The following SPATA9 variants were observed in gnomAD, a reference collection of about 807,000 sequenced individuals.
The protein encoded by SPATA9 is spermatogenesis-associated protein 9.
Under a neutral mutation model 25.5 loss-of-function variants are expected in SPATA9, and 27 were observed. The observed-to-expected ratio is 1.06, with a 90% CI of 0.78 to 1.46. The LOEUF (loss-of-function observed/expected upper bound fraction) is 1.46, where lower values mean the gene tolerates loss of function less well. SPATA9 is among the 40% of genes most tolerant of loss of function. SPATA9 has a pLI of 0.00. For synonymous variants in SPATA9, 102 were observed against 105.7 expected (o/e 0.97, Z 0.21); for missense variants, 282 against 297.5 (o/e 0.95, Z 0.38).
chr5:95,684,801 A>G (rs1391307119), upstream of SPATA9: 1 of 152,192 alleles, frequency 6.6e-6, no homozygotes, highest in African/African-American at 2.4e-5. Flanking sequence ...TTTCTTGTTA[A>G]TTCTTCATTA....
chr5:95,652,905 G>A (rs567698878), downstream of SPATA9: 5 of 590,914 alleles, frequency 8.5e-6, no homozygotes, highest in African/African-American at 1.9e-5. Flanking sequence ...CCACAGAGCC[G>A]GGAGCATTCT....
chr5:95,694,743 A>G (rs960256239), intron 1 of SPATA9, among the ~76,000 whole-genome samples: 3 of 152,252 alleles, frequency 2.0e-5, no homozygotes, highest in Admixed American at 1.3e-4. Flanking sequence ...TGCCACTTCA[A>G]AATATGCCAC....
Position 95,653,105 on chromosome 5 carries a change from CTCT to C in SPATA9, c.*549_*551del, listed in dbSNP as rs746190059. ...TCTTTCCTTCAGGCTTTTGTATTTG[CTCT>C]TCTTTCAGTATGGAATTCTCTTCCC... On this transcript the variant is annotated 3_prime_UTR_variant and NMD_transcript_variant, in exon 9 of 9. Transcript: ENST00000316087. 168 of 1,551,272 alleles carry C rather than the reference CTCT, an allele frequency of 1.1e-4. 1 individual carries two copies. In the African/African-American group the frequency reaches 1.9e-3, roughly 18 times the overall value.
At chr5:95,661,796 A>G (rs920032346) in intron 4 of SPATA9, among the ~76,000 whole-genome samples, 1 of 152,086 alleles carries the variant, frequency 6.6e-6, no homozygotes, top group Non-Finnish European at 1.5e-5. Context: ...ACTTCCCTAT[A>G]TATTTTAGAA....
Position 95,658,742 on chromosome 5 carries a change from A to G in SPATA9, c.646T>C (p.Leu216=), listed in dbSNP as rs143520808. 3.7e-5 allele frequency: 60 copies of G among 1,613,814 alleles called. No homozygotes were observed. Among genetic ancestry groups the G allele is most frequent in the South Asian group, 8.8e-5 (8 of 91,084 alleles). ...TCTGAAATGTCTGGCTTCTCCGGCA[A>G]TGACCTATAAGGTTTTGCTTTGATT... ...GEIKAKPYRS[L]PEKPDISDYP... Residue 216 remains leucine (L), a synonymous_variant, in exon 5 of 5, where the codon TTG becomes CTG. Transcript: ENST00000274432.
At chr5:95,709,280 T>C in the SPATA9 span, among the ~76,000 whole-genome samples, 3 of 152,174 alleles carry the variant, frequency 2.0e-5, no homozygotes, top group Non-Finnish European at 4.4e-5. Flanking sequence ...ATAAATTAGC[T>C]TGTGATATTT....
intron 3 of SPATA9, among the ~76,000 whole-genome samples, chr5:95,668,129 G>A (rs979471027): frequency 9.2e-5 from 14 of 152,142 alleles, no homozygotes; most frequent in African/African-American, 3.4e-4. Context: ...AGAAGTGCAA[G>A]AATGGACTAG....
chr5:95,679,902 T>C (rs986586403), intron 2 of SPATA9, among the ~76,000 whole-genome samples: 9 of 152,236 alleles, frequency 5.9e-5, no homozygotes, highest in African/African-American at 2.2e-4. Flanking sequence ...AACTTTTTGT[T>C]TGTTTGTTTT....
chr5:95,655,567 G>C (rs1750700604), downstream of SPATA9: 1 of 152,914 alleles, frequency 6.5e-6, no homozygotes, highest in Non-Finnish European at 1.5e-5. Flanking sequence ...AGTTTGAGAA[G>C]CACTTCACCA....
the SPATA9 span, among the ~76,000 whole-genome samples, chr5:95,712,719 C>T: frequency 6.6e-6 from 1 of 152,164 alleles, no homozygotes; most frequent in African/African-American, 2.4e-5. Context: ...AGGCCCCAGA[C>T]ATCATGGAGC....
At chr5:95,725,583 A>G in the SPATA9 span, among the ~76,000 whole-genome samples, 1 of 152,256 alleles carries the variant, frequency 6.6e-6, no homozygotes, top group South Asian at 2.1e-4. Flanking sequence ...TTATTAAATC[A>G]TCTGCATAAC....
rs1401137782 is a variant in SPATA9, at chr5:95,663,520, TA to T, written c.474+432del. ...TTTTTAAGTGGCTATTAATAGAAAA[TA>T]AAACCCTTATAATTAAAAAATCTTT... On this transcript the variant is annotated intron_variant, in intron 4 of 4. Coordinates refer to ENST00000274432, the MANE Select transcript of SPATA9 (RefSeq NM_031952.4). 7.9e-5 allele frequency among the ~76,000 whole-genome samples: 12 copies of T among 152,162 alleles called. No individual in the cohort carries two copies. The East Asian group carries it at 1.9e-3, about 24-fold the overall frequency.
intron 2 of SPATA9, among the ~76,000 whole-genome samples, chr5:95,676,848 A>G (rs1257149283): frequency 6.6e-6 from 1 of 152,214 alleles, no homozygotes; most frequent in Non-Finnish European, 1.5e-5. Context: ...AGTTGCTCTC[A>G]GTGTAAAAGC....
At chr5:95,685,959 G>C (rs1051700323), upstream of SPATA9, among the ~76,000 whole-genome samples, 1 of 151,996 alleles carries the variant, frequency 6.6e-6, no homozygotes, top group African/African-American at 2.4e-5. Context: ...GCCTCAGCCT[G>C]CTGAGTAGCT....
chr5:95,670,743 C>T (rs1225422036), intron 3 of SPATA9: 1 of 603,578 alleles, frequency 1.7e-6, no homozygotes, highest in Non-Finnish European at 2.1e-6. Context: ...CTGTACTTTG[C>T]TCTCAGCACA....
Position 95,675,539 on chromosome 5 carries a change from C to T in SPATA9, c.251G>A (p.Arg84Lys). 1 of 1,614,104 alleles carries T rather than the reference C, an allele frequency of 6.2e-7. No individual in the cohort carries two copies. The highest frequency in any genetic ancestry group is 2.2e-5 in the East Asian group (1 of 44,874). ...AAGTTTGGCCACTGATTTGGAGGAT[C>T]TGGATATGCTGTTTAATCCACGAAT... ...TLIRGLNSIS[R>K]SSKSVAKLLH... is the part of the protein sequence containing the mutation. Residue 84 changes from arginine (R) to lysine (K), a missense_variant, in exon 3 of 5, where the codon AGA becomes AAA. Transcript: ENST00000274432.
upstream of SPATA9, among the ~76,000 whole-genome samples, chr5:95,703,109 G>A (rs1261305142): frequency 1.3e-5 from 2 of 152,134 alleles, no homozygotes; most frequent in African/African-American, 4.8e-5. Context: ...GGGGAAAACA[G>A]TATTTGGAAC....
At chr5:95,676,672 C>A (rs1752975431) in intron 2 of SPATA9, among the ~76,000 whole-genome samples, 1 of 152,188 alleles carries the variant, frequency 6.6e-6, no homozygotes, top group South Asian at 2.1e-4. Context: ...TATTTGAATT[C>A]TACCATCATC....
chr5:95,698,563 T>C (rs1352434497), intron 1 of SPATA9: 1 of 152,160 alleles, frequency 6.6e-6, no homozygotes, highest in Non-Finnish European at 1.5e-5. Context: ...ACCATGCAGT[T>C]AAGTAAGAGC....
Sources: gnomAD v4.1 joint callset for allele counts (sites outside exome capture counted in the v4.1 genomes callset) on GRCh38, gnomAD v4.1.1 for gene constraint, MANE v1.5 for transcripts, NCBI Gene and HGNC (gene_info 2026-07-23, HGNC 2026-07-21) for gene names.